Variants in ANKRD13C observed in about 807,000 individuals in gnomAD.
ANKRD13C encodes the protein ankyrin repeat domain-containing protein 13C.
Under a neutral mutation model 65.5 loss-of-function variants are expected in ANKRD13C, and 16 were observed. The ratio of observed to expected loss-of-function variants is 0.24; its 90% confidence interval spans 0.17 to 0.37. The LOEUF is 0.37. Ranked by LOEUF, ANKRD13C falls within the 10% of genes least tolerant of loss-of-function variation. The probability of loss-of-function intolerance (pLI) is 1.00; values close to 1 mark genes in which losing one functional copy is unlikely to be tolerated. For missense variants in ANKRD13C, 503 were observed against 655.9 expected (o/e 0.77, Z 2.55); for synonymous variants, 235 against 238.7 (o/e 0.98, Z 0.14).
intron 12 of ANKRD13C, among the ~76,000 whole-genome samples, chr1:70,263,687 A>G (rs1345406717): frequency 1.3e-5 from 2 of 152,128 alleles, no homozygotes; most frequent in African/African-American, 4.8e-5. Flanking sequence ...GTGGTGGCTC[A>G]CACCTATAAT....
At chr1:70,304,106 ATC>A (rs1226832007) in intron 6 of ANKRD13C, among the ~76,000 whole-genome samples, 2 of 152,054 alleles carry the variant, frequency 1.3e-5, no homozygotes, top group Non-Finnish European at 2.9e-5. Context: ...CAGTGGCACG[ATC>A]TCGGCTCACT....
intron 12 of ANKRD13C, among the ~76,000 whole-genome samples, chr1:70,269,046 CT>C (rs1366880253): frequency 1.4e-5 from 2 of 142,958 alleles, no homozygotes; most frequent in Non-Finnish European, 3.0e-5. Context: ...CCCCTCCCCC[CT>C]AATTTCCAAA....
chr1:70,320,095 T>G (rs1056686932), intron 3 of ANKRD13C, among the ~76,000 whole-genome samples: 4 of 152,024 alleles, frequency 2.6e-5, no homozygotes, highest in Non-Finnish European at 5.9e-5. Flanking sequence ...GGGGGATATA[T>G]AAGTATGAGG....
At chr1:70,280,307 A>G (rs1242956890) in intron 9 of ANKRD13C, among the ~76,000 whole-genome samples, 2 of 152,022 alleles carry the variant, frequency 1.3e-5, no homozygotes, top group Non-Finnish European at 2.9e-5. Context: ...GGACTGGTTG[A>G]CTCCTGAATT....
chr1:70,330,697 T>G (rs1227820175), intron 2 of ANKRD13C, among the ~76,000 whole-genome samples: 2 of 151,874 alleles, frequency 1.3e-5, no homozygotes, highest in African/African-American at 4.8e-5. Flanking sequence ...TCTACAGTTA[T>G]TAAAGTTAGA....
rs570978448 is a variant in ANKRD13C, at chr1:70,354,679, T to C, written c.-271A>G. 15 of 810,402 alleles carry C rather than the reference T, an allele frequency of 1.9e-5. No individual in the cohort carries two copies. In the African/African-American group the frequency reaches 1.9e-4, roughly 10 times the overall value. 50.2% of individuals were successfully genotyped at this position (810,402 alleles called of 1,614,324 possible). On this transcript the variant is annotated 5_prime_UTR_variant, in exon 1 of 13. Coordinates refer to ENST00000370944, the MANE Select transcript of ANKRD13C (RefSeq NM_030816.5). ...GTCTCGCCGTCGCAGCCGCCGTCGC[T>C]GCCTTACACCGAAAAACAGGGCACG...
At chr1:70,302,097 A>T (rs958836014) in intron 6 of ANKRD13C, among the ~76,000 whole-genome samples, 2 of 152,192 alleles carry the variant, frequency 1.3e-5, no homozygotes, top group Admixed American at 1.3e-4. Flanking sequence ...GACAGGAAAA[A>T]CAGAAATAAA....
At chr1:70,342,020 AG>A (rs1682331941) in intron 1 of ANKRD13C, among the ~76,000 whole-genome samples, 2 of 151,804 alleles carry the variant, frequency 1.3e-5, no homozygotes, top group Admixed American at 1.3e-4. Flanking sequence ...GGGAGTAAGA[AG>A]TGGTGAAACA....
In ANKRD13C at chr1:70,297,743, G is replaced by A. The variant is rs536476250; in HGVS notation, c.922-1482C>T. Among the ~76,000 whole-genome samples, 60 of 149,608 alleles carry A rather than the reference G, an allele frequency of 4.0e-4. 1 individual carries two copies. In the South Asian group the frequency reaches 0.012, roughly 30 times the overall value. On this transcript the variant is annotated intron_variant, in intron 7 of 12. Transcript: ENST00000370944. ...ATTCTGGCTAACATGGTGAAACCCC[G>A]TCTCTACTAAAAAAAAAAAATTAGC...
chr1:70,281,975 G>C (rs1487031714), intron 9 of ANKRD13C, among the ~76,000 whole-genome samples: 1 of 151,180 alleles, frequency 6.6e-6, no homozygotes, highest in Admixed American at 6.6e-5. Context: ...ACTCCAGTAT[G>C]GGCAACAGAG....
At chr1:70,282,775 G>A (rs769381726) in intron 9 of ANKRD13C, among the ~76,000 whole-genome samples, 6 of 152,134 alleles carry the variant, frequency 3.9e-5, no homozygotes, top group Non-Finnish European at 7.4e-5. Context: ...AGGGGAAACC[G>A]CTGGAAACGT....
At chr1:70,321,672 G>C (rs1176726172) in intron 3 of ANKRD13C, among the ~76,000 whole-genome samples, 2 of 152,166 alleles carry the variant, frequency 1.3e-5, no homozygotes, top group Admixed American at 6.6e-5. Context: ...GGAAAAAAAG[G>C]CTTTTTAGTT....
intron 5 of ANKRD13C, 74 bp downstream of exon 5, chr1:70,313,671 T>C (rs1409732736): frequency 3.6e-6 from 4 of 1,106,378 alleles, no homozygotes; most frequent in South Asian, 1.4e-5. Context: ...CTAACATTTC[T>C]ATATGATAGG....
At position 70,292,305 on chromosome 1, in the gene ANKRD13C, T is replaced by C. The variant is rs1328243747; in HGVS notation, c.1215+83A>G. ...TAAATAAAAGCTGTGAGTACATTTA[T>C]ATACTTACTGAATGCCACCAAGAAT... On this transcript the variant is annotated intron_variant, in intron 9 of 12. Transcript: ENST00000370944. The C allele has an allele frequency of 1.4e-5, 15 of 1,079,338 alleles. No homozygotes were observed. The highest frequency in any genetic ancestry group is 1.9e-5 in the Non-Finnish European group (15 of 771,142). 66.9% of individuals were successfully genotyped at this position (1,079,338 alleles called of 1,614,324 possible).
rs114269063 is a variant in ANKRD13C, at chr1:70,330,758, C to T, written c.472+5300G>A. On this transcript the variant is annotated intron_variant, in intron 2 of 12. Coordinates refer to ENST00000370944, the MANE Select transcript of ANKRD13C (RefSeq NM_030816.5). The stretch of plus-strand genomic sequence containing the variant: ...TAAGAAAAAATAAAAAATTGCAGAT[C>T]CAAAAAAGACTGAAAATGAATTAAA... Among the ~76,000 whole-genome samples the T allele has an allele frequency of 7.8e-3, 1,186 of 151,856 alleles. 16 individuals are homozygous for T. The highest frequency in any genetic ancestry group is 0.027 in the African/African-American group (1,126 of 41,426).
intron 5 of ANKRD13C, among the ~76,000 whole-genome samples, chr1:70,306,978 A>C (rs1488959947): frequency 6.6e-6 from 1 of 152,216 alleles, no homozygotes; most frequent in East Asian, 1.9e-4. Context: ...GGCTATAATA[A>C]ACTACCACGT....
chr1:70,313,905 C>A, intron 4 of ANKRD13C, 115 bp from the exon 5 acceptor site: 2 of 661,452 alleles, frequency 3.0e-6, no homozygotes, highest in South Asian at 2.3e-5. Flanking sequence ...TACTTAATTA[C>A]AAAGGAAAAT....
At chr1:70,325,252 C>T (rs1289552730) in intron 2 of ANKRD13C, among the ~76,000 whole-genome samples, 3 of 151,998 alleles carry the variant, frequency 2.0e-5, no homozygotes, top group African/African-American at 7.2e-5. Context: ...TGTTTTCATA[C>T]TCTAAAAGAT....
At position 70,293,014 on chromosome 1, in the gene ANKRD13C, T is replaced by C. The variant is rs1024470769; in HGVS notation, c.1054-465A>G. 7.2e-4 allele frequency among the ~76,000 whole-genome samples: 110 copies of C among 152,112 alleles called. 1 individual carries two copies. Among genetic ancestry groups the C allele is most frequent in the Non-Finnish European group, 8.8e-5 (6 of 68,000 alleles). ...ATAGTCCATGTCACACAAGAATCTCTAGTACAACCAGAATTAATGACCTGT... is the reference window on the plus strand; with the variant it reads ...ATAGTCCATGTCACACAAGAATCTCCAGTACAACCAGAATTAATGACCTGT... On this transcript the variant is annotated intron_variant, in intron 8 of 12. Coordinates refer to ENST00000370944, the MANE Select transcript of ANKRD13C (RefSeq NM_030816.5).
Sources: gnomAD v4.1 joint callset for allele counts (sites outside exome capture counted in the v4.1 genomes callset) on GRCh38, gnomAD v4.1.1 for gene constraint, MANE v1.5 for transcripts, NCBI Gene and HGNC (gene_info 2026-07-23, HGNC 2026-07-21) for gene names.